The following BTBD1 variants were observed in gnomAD, a reference collection of about 807,000 sequenced individuals.
BTBD1 encodes BTB domain containing 1.
In BTBD1, 34 loss-of-function variants were observed where a neutral mutation model predicts 48.0. That is an observed-to-expected ratio of 0.71 (90% CI 0.54 to 0.94). The LOEUF (loss-of-function observed/expected upper bound fraction) is 0.94. BTBD1 is among the 40% of genes least tolerant of loss of function. The pLI, the probability that BTBD1 is intolerant of heterozygous loss-of-function variation, is 0.00. For synonymous variants in BTBD1, 261 were observed against 242.1 expected (o/e 1.08, Z -0.72); for missense variants, 543 against 625.6 (o/e 0.87, Z 1.41).
At chr15:83,049,317 G>A (rs528030571) in intron 3 of BTBD1, among the ~76,000 whole-genome samples, 83 of 152,230 alleles carry the variant, frequency 5.5e-4, no homozygotes, top group African/African-American at 1.6e-3. Context: ...AGAAAACCAC[G>A]AAGATACAGG....
At chr15:83,058,909 A>G (rs552965137) in intron 1 of BTBD1, among the ~76,000 whole-genome samples, 2 of 152,316 alleles carry the variant, frequency 1.3e-5, no homozygotes, top group East Asian at 3.9e-4. Flanking sequence ...CTAAAGATTA[A>G]AAGGACGGTG....
intron 6 of BTBD1, 119 bp from the exon 7 acceptor site, chr15:83,018,972 T>C (rs1277925175): frequency 8.2e-6 from 1 of 121,916 alleles, no homozygotes; most frequent in Non-Finnish European, 1.5e-5. Flanking sequence ...TCTCACTCTG[T>C]TGCCTAGCCT....
chr15:83,044,847 T>C (rs1470071738), intron 3 of BTBD1: 11 of 881,248 alleles, frequency 1.2e-5, no homozygotes, highest in Non-Finnish European at 1.8e-5. Flanking sequence ...ATCTCCATAG[T>C]GTTTTTTTTC....
At chr15:83,043,602 G>A (rs2032811147) in intron 3 of BTBD1, among the ~76,000 whole-genome samples, 1 of 152,122 alleles carries the variant, frequency 6.6e-6, no homozygotes, top group African/African-American at 2.4e-5. Flanking sequence ...GGGTAGCAGT[G>A]GAAGTGGTGA....
At chr15:83,060,687 G>A (rs1048975161) in intron 1 of BTBD1, among the ~76,000 whole-genome samples, 8 of 152,092 alleles carry the variant, frequency 5.3e-5, no homozygotes, top group Non-Finnish European at 8.8e-5. Flanking sequence ...CCAGCTATTC[G>A]GGAGGCTAAG....
At chr15:83,062,079 A>G (rs779271286) in intron 1 of BTBD1, among the ~76,000 whole-genome samples, 6 of 152,220 alleles carry the variant, frequency 3.9e-5, no homozygotes, top group Admixed American at 6.5e-5. Flanking sequence ...AAAGGCCATT[A>G]GTAATTAGGG....
chr15:83,058,299 T>C (rs868166402), intron 1 of BTBD1, among the ~76,000 whole-genome samples: 2 of 152,254 alleles, frequency 1.3e-5, no homozygotes, highest in South Asian at 4.1e-4. Flanking sequence ...TCTCTGTCCC[T>C]TTCTACTCTG....
At chr15:83,051,069 A>G (rs766134188) in intron 2 of BTBD1, among the ~76,000 whole-genome samples, 1 of 151,884 alleles carries the variant, frequency 6.6e-6, no homozygotes, top group Non-Finnish European at 1.5e-5. Flanking sequence ...GGGGAGTCCA[A>G]GTTAAACTCA....
chr15:83,023,156 A>G (rs1016254333), intron 5 of BTBD1, among the ~76,000 whole-genome samples: 18 of 152,068 alleles, frequency 1.2e-4, no homozygotes, highest in African/African-American at 4.3e-4. Flanking sequence ...ATATATATAT[A>G]TTTGTAACCT....
chr15:83,033,105 G>C (rs2032556797), intron 4 of BTBD1, among the ~76,000 whole-genome samples: 1 of 151,968 alleles, frequency 6.6e-6, no homozygotes, highest in Non-Finnish European at 1.5e-5. Flanking sequence ...TGCCCCTCTA[G>C]TCCCAGCTAC....
At chr15:83,042,376 A>ATATATATATATATATATATATATG (rs1491038548) in intron 3 of BTBD1, among the ~76,000 whole-genome samples, 1 of 121,778 alleles carries the variant, frequency 8.2e-6, no homozygotes, top group Non-Finnish European at 1.7e-5. Context: ...ATATATATAT[A>ATATATATATATATATATATATATG]TGTATGTATA....
intron 3 of BTBD1, among the ~76,000 whole-genome samples, chr15:83,046,959 C>G (rs999854955): frequency 6.6e-6 from 1 of 152,142 alleles, no homozygotes; most frequent in Non-Finnish European, 1.5e-5. Context: ...TAGCCAAGAT[C>G]TTAAGACTAT....
chr15:83,018,720 C>G lies in BTBD1; in HGVS notation c.1277G>C (p.Cys426Ser). The change falls in exon 7 of 8, where the codon TGT (cysteine) becomes TCT (serine). Residue 426 changes from cysteine (C) to serine (S), a missense_variant. Physicochemically the swap from Cys to Ser is moderately radical, Grantham distance 112 (BLOSUM62 -1). Transcript: ENST00000261721. ...CATGACTCTTACTTTGAGTGTTGCACATGCTGTGTAGCACACATTGGGCAG... is the reference window on the plus strand; with the variant it reads ...CATGACTCTTACTTTGAGTGTTGCAGATGCTGTGTAGCACACATTGGGCAG... The part of the protein sequence containing the change: ...EILPNVCYTA[C>S]ATLKGPDSHY... The G allele has an allele frequency of 6.2e-7, 1 of 1,613,922 alleles. No homozygotes were observed.
intron 4 of BTBD1, among the ~76,000 whole-genome samples, chr15:83,031,148 TGTAAAAGTGTTC>T (rs370593877): frequency 2.6e-4 from 40 of 152,280 alleles, no homozygotes; most frequent in African/African-American, 9.6e-4. Context: ...CCACCAACAG[TGTAAAAGTGTTC>T]CTATTTCTCC....
chr15:83,032,986 A>AAG (rs2032553084), intron 4 of BTBD1, among the ~76,000 whole-genome samples: 1 of 151,372 alleles, frequency 6.6e-6, no homozygotes, highest in Non-Finnish European at 1.5e-5. Context: ...AAAAAAAAAA[A>AAG]AACAGAATAG....
chr15:83,038,920 A>C (rs145337618), intron 4 of BTBD1, among the ~76,000 whole-genome samples: 1,643 of 152,308 alleles, frequency 0.011, 27 homozygotes, highest in African/African-American at 0.038. Flanking sequence ...ACCTCAAACT[A>C]TAAGAATCCT....
At chr15:83,063,180 T>C (rs2033203382) in intron 1 of BTBD1, among the ~76,000 whole-genome samples, 1 of 152,236 alleles carries the variant, frequency 6.6e-6, no homozygotes, top group Non-Finnish European at 1.5e-5. Flanking sequence ...TTTCATTTTA[T>C]GCTTTTTCTC....
chr15:83,064,164 A>G (rs1320320046), intron 1 of BTBD1, among the ~76,000 whole-genome samples: 1 of 152,240 alleles, frequency 6.6e-6, no homozygotes, highest in Non-Finnish European at 1.5e-5. Context: ...GATGTTTACA[A>G]GTATGCCCAA....
intron 5 of BTBD1, among the ~76,000 whole-genome samples, chr15:83,025,350 T>A (rs1596423792): frequency 1.2e-4 from 6 of 51,662 alleles, no homozygotes; most frequent in South Asian, 7.1e-4. Flanking sequence ...AAAACAAGAC[T>A]CCATCACAAA....
Sources: allele counts gnomAD v4.1 joint callset (sites outside exome capture counted in the v4.1 genomes callset), GRCh38; gene constraint gnomAD v4.1.1; transcripts MANE v1.5; gene names NCBI Gene and HGNC (gene_info 2026-07-23, HGNC 2026-07-21).